MEOX2: variants seen among roughly 807,000 people sequenced by gnomAD.
MEOX2 encodes homeobox protein MOX-2.
Under a neutral mutation model 27.0 loss-of-function variants are expected in MEOX2, and 11 were observed. The ratio of observed to expected loss-of-function variants is 0.41; its 90% CI spans 0.26 to 0.68. The LOEUF (loss-of-function observed/expected upper bound fraction) is 0.68. Among genes scored for constraint, MEOX2 ranks in the 30% least tolerant of loss-of-function variants. The pLI is 0.33. For synonymous variants in MEOX2, 189 were observed against 155.4 expected (o/e 1.22, Z -1.61); for missense variants, 436 against 385.4 (o/e 1.13, Z -1.10).
intron 1 of MEOX2, among the ~76,000 whole-genome samples, chr7:15,638,054 C>T (rs534941456): frequency 1.7e-4 from 26 of 152,020 alleles, no homozygotes; most frequent in African/African-American, 2.6e-4. Flanking sequence ...TCATTTGACA[C>T]GTAACATTTA....
Position 15,611,382 on chromosome 7 carries a change from C to G in MEOX2, c.*1005G>C, listed in dbSNP as rs898910659. ...TTGAGCAACCAGTTTCGCTTTGCAC[C>G]TTGTCTAACACTGTTGTCAATCAGG... is the stretch of plus-strand genomic sequence containing the variant. On this transcript the variant is annotated 3_prime_UTR_variant, in exon 3 of 3. Coordinates refer to ENST00000262041, the MANE Select transcript of MEOX2 (RefSeq NM_005924.5). 2 of 152,404 alleles carry G rather than the reference C, an allele frequency of 1.3e-5. No individual in the cohort carries two copies. Among genetic ancestry groups the G allele is most frequent in the African/African-American group, 4.8e-5 (2 of 41,390 alleles). The allele number at this position is 152,404 out of a possible 1,614,324, so 9.4% of individuals were successfully genotyped here.
chr7:15,612,519 A>G lies in MEOX2; in HGVS notation c.783T>C (p.Asn261=), dbSNP rs1025681387. 1 of 1,613,978 alleles carries G rather than the reference A, an allele frequency of 6.2e-7. No homozygotes were observed. Among genetic ancestry groups the G allele is most frequent in the Non-Finnish European group, 8.5e-7 (1 of 1,180,026 alleles). The change falls in exon 3 of 3, where the codon AAT becomes AAC. Residue 261 remains asparagine (N), a synonymous_variant. Coordinates refer to ENST00000262041, the MANE Select transcript of MEOX2 (RefSeq NM_005924.5). Reference sequence around the variant, plus strand: ...ATGGGAGAAGTGTTCCCTTTTTCACATTCACCAGTTCCTTTTCCCGAGCCG... The same window carrying G: ...ATGGGAGAAGTGTTCCCTTTTTCACGTTCACCAGTTCCTTTTCCCGAGCCG... ...GAAAREKELV[N]VKKGTLLPSE...
At chr7:15,632,289 T>A (rs768403633) in intron 1 of MEOX2, among the ~76,000 whole-genome samples, 2 of 151,854 alleles carry the variant, frequency 1.3e-5, no homozygotes, top group Admixed American at 1.3e-4. Context: ...CTCATTTTAA[T>A]TCCTTATTTT....
At chr7:15,639,977 G>C (rs1379846675) in intron 1 of MEOX2, among the ~76,000 whole-genome samples, 2 of 151,860 alleles carry the variant, frequency 1.3e-5, no homozygotes. Context: ...CTCTTTTTTG[G>C]TTCCATGTGG....
chr7:15,615,065 A>C (rs749980961), intron 2 of MEOX2, among the ~76,000 whole-genome samples: 14 of 152,166 alleles, frequency 9.2e-5, no homozygotes, highest in Non-Finnish European at 1.8e-4. Flanking sequence ...AAAAAGATTC[A>C]CTAAAAAGTA....
intron 1 of MEOX2, among the ~76,000 whole-genome samples, chr7:15,678,182 G>T (rs1433519741): frequency 1.3e-5 from 2 of 152,050 alleles, no homozygotes. Context: ...CTTCAAATAA[G>T]AAAAAGAAAT....
intron 1 of MEOX2, among the ~76,000 whole-genome samples, chr7:15,675,082 G>C (rs982010839): frequency 6.6e-6 from 1 of 151,946 alleles, no homozygotes; most frequent in African/African-American, 2.4e-5. Context: ...AAATTTACTT[G>C]GATTAAATGT....
At chr7:15,647,199 T>C (rs1219256893) in intron 1 of MEOX2, among the ~76,000 whole-genome samples, 1 of 152,032 alleles carries the variant, frequency 6.6e-6, no homozygotes, top group African/African-American at 2.4e-5. Context: ...AAAGTTTCTG[T>C]TGAGAAAAAG....
intron 1 of MEOX2, among the ~76,000 whole-genome samples, chr7:15,651,187 T>C (rs775922463): frequency 3.8e-4 from 58 of 152,042 alleles, no homozygotes; most frequent in Non-Finnish European, 6.5e-4. Context: ...GGTTTGAATG[T>C]CTAACTTTGG....
chr7:15,648,716 C>T (rs1460681704), intron 1 of MEOX2, among the ~76,000 whole-genome samples: 1 of 152,058 alleles, frequency 6.6e-6, no homozygotes, highest in Non-Finnish European at 1.5e-5. Context: ...AAAAAGTTAA[C>T]TGAACTAGGA....
chr7:15,668,577 G>A (rs1281301785), intron 1 of MEOX2, among the ~76,000 whole-genome samples: 1 of 152,086 alleles, frequency 6.6e-6, no homozygotes, highest in Non-Finnish European at 1.5e-5. Flanking sequence ...CGCCTCCTGG[G>A]TTCAAGCGAT....
chr7:15,616,984 T>TTG (rs1781133816), intron 2 of MEOX2, among the ~76,000 whole-genome samples: 1 of 151,212 alleles, frequency 6.6e-6, no homozygotes, highest in Non-Finnish European at 1.5e-5. Flanking sequence ...CACCTGTCCT[T>TTG]TTAGGTTTCA....
chr7:15,612,676 C>T (rs1289669820), intron 2 of MEOX2, 65 bp from the exon 3 acceptor site: 1 of 1,378,282 alleles, frequency 7.3e-7, no homozygotes, highest in African/African-American at 1.4e-5. Flanking sequence ...ATTTTTTTCT[C>T]CTTAGTGTCA....
chr7:15,642,347 A>G (rs932580305), intron 1 of MEOX2, among the ~76,000 whole-genome samples: 1 of 152,136 alleles, frequency 6.6e-6, no homozygotes, highest in Non-Finnish European at 1.5e-5. Context: ...TGACTGAGAT[A>G]ATTCAAAAGT....
intron 1 of MEOX2, among the ~76,000 whole-genome samples, chr7:15,649,238 G>A (rs1296703899): frequency 6.6e-6 from 1 of 152,048 alleles, no homozygotes; most frequent in African/African-American, 2.4e-5. Flanking sequence ...TGCTTACAAT[G>A]CAAGGTATTG....
chr7:15,614,435 C>T (rs927584594), intron 2 of MEOX2, among the ~76,000 whole-genome samples: 8 of 151,730 alleles, frequency 5.3e-5, no homozygotes, highest in Non-Finnish European at 1.0e-4. Context: ...AAAAGTTTGC[C>T]TTTCAAACTG....
At chr7:15,679,064 G>C (rs1436552576) in intron 1 of MEOX2, 2 of 152,054 alleles carry the variant, frequency 1.3e-5, no homozygotes, top group Non-Finnish European at 2.9e-5. Flanking sequence ...TATGCTTCAA[G>C]CTTAATATTT....
intron 1 of MEOX2, among the ~76,000 whole-genome samples, chr7:15,662,393 T>C (rs187608303): frequency 2.2e-4 from 34 of 152,172 alleles, no homozygotes; most frequent in African/African-American, 7.0e-4. Context: ...ATTCTACTTA[T>C]AGTTAATTTT....
intron 1 of MEOX2, among the ~76,000 whole-genome samples, chr7:15,639,774 G>A (rs1447183067): frequency 6.6e-6 from 1 of 152,048 alleles, no homozygotes; most frequent in Non-Finnish European, 1.5e-5. Context: ...GCTAGCATTA[G>A]GAGTGTGGCT....
Sources: gnomAD v4.1 joint callset for allele counts (sites outside exome capture counted in the v4.1 genomes callset) on GRCh38, gnomAD v4.1.1 for gene constraint, MANE v1.5 for transcripts, NCBI Gene and HGNC (gene_info 2026-07-23, HGNC 2026-07-21) for gene names.